Variants in EHF observed in about 807,000 individuals in gnomAD.
EHF encodes the protein ETS homologous factor.
Under a neutral mutation model 45.1 loss-of-function variants are expected in EHF, and 14 were observed. The ratio of observed to expected loss-of-function variants is 0.31; its 90% CI spans 0.21 to 0.49. The LOEUF (loss-of-function observed/expected upper bound fraction) is 0.49. Ranked by LOEUF, EHF falls within the 20% of genes least tolerant of loss-of-function variation. The pLI is 0.99. For missense variants in EHF, 282 were observed against 371.4 expected (o/e 0.76, Z 1.98); for synonymous variants, 136 against 131.8 (o/e 1.03, Z -0.22).
intron 1 of EHF, 100 bp downstream of exon 1, chr11:34,621,328 C>A (rs1316711195): frequency 2.0e-5 from 3 of 152,240 alleles, no homozygotes; most frequent in Non-Finnish European, 2.9e-5. Flanking sequence ...CTAGAACAGA[C>A]TCTTGGAGAC....
At chr11:34,658,351 AGTTTATTCTTAAATACCTTTTTAAT>A (rs1314908728) in intron 7 of EHF, among the ~76,000 whole-genome samples, 157 bp from the exon 8 acceptor site, 1 of 152,078 alleles carries the variant, frequency 6.6e-6, no homozygotes, top group Non-Finnish European at 1.5e-5. Flanking sequence ...ATATTGTGCT[AGTTTATTCTTAAATACCTTTTTAAT>A]GTCCAACATC....
chr11:34,654,641 T>C (rs577562262), intron 6 of EHF, among the ~76,000 whole-genome samples: 1 of 152,154 alleles, frequency 6.6e-6, no homozygotes, highest in African/African-American at 2.4e-5. Flanking sequence ...GTTTATCTAG[T>C]GTAGAGGTTT....
At chr11:34,654,579 G>T (rs1457892328) in intron 6 of EHF, among the ~76,000 whole-genome samples, 1 of 152,062 alleles carries the variant, frequency 6.6e-6, no homozygotes, top group African/African-American at 2.4e-5. Context: ...TCCTAGCTGG[G>T]TGGAGCCTAG....
chr11:34,661,942 G>C lies in EHF; in HGVS notation c.*3011G>C, dbSNP rs1458006882. The stretch of plus-strand genomic sequence containing the variant: ...AATCATCTGAGGCTGATAGATATTT[G>C]ACTTGGTAAGACTTAAGTAAGGCTC... On this transcript the variant is annotated 3_prime_UTR_variant, in exon 9 of 9. Transcript: ENST00000257831. 2.6e-5 allele frequency among the ~76,000 whole-genome samples: 4 copies of C among 152,114 alleles called. No individual in the cohort carries two copies. The highest frequency in any genetic ancestry group is 4.4e-5 in the Non-Finnish European group (3 of 68,002).
At chr11:34,629,442 C>G (rs748683215) in intron 1 of EHF, among the ~76,000 whole-genome samples, 49 of 152,208 alleles carry the variant, frequency 3.2e-4, no homozygotes, top group Non-Finnish European at 6.2e-4. Flanking sequence ...AAAACAAACT[C>G]AGCTTTCCTG....
intron 1 of EHF, among the ~76,000 whole-genome samples, chr11:34,635,468 T>TTTTTTG (rs1853298435): frequency 6.7e-6 from 1 of 148,898 alleles, no homozygotes; most frequent in African/African-American, 2.5e-5. Flanking sequence ...TTTTTTTTTT[T>TTTTTTG]GAGATGGAGT....
intron 1 of EHF, among the ~76,000 whole-genome samples, chr11:34,637,978 T>C (rs1455750800): frequency 6.6e-6 from 1 of 151,792 alleles, no homozygotes; most frequent in East Asian, 1.9e-4. Flanking sequence ...CTCGGCTCGC[T>C]GCAACCTCTG....
At chr11:34,656,015 T>C (rs1368380379) in intron 6 of EHF, among the ~76,000 whole-genome samples, 1 of 151,940 alleles carries the variant, frequency 6.6e-6, no homozygotes, top group East Asian at 1.9e-4. Flanking sequence ...GATTTTTGAG[T>C]GTGAGAGTCT....
At chr11:34,654,601 G>A (rs1468005014) in intron 6 of EHF, among the ~76,000 whole-genome samples, 1 of 152,124 alleles carries the variant, frequency 6.6e-6, no homozygotes, top group Non-Finnish European at 1.5e-5. Context: ...TTGGGTAAAC[G>A]GCTGACAACT....
chr11:34,653,600 C>T (rs747371234), intron 6 of EHF, among the ~76,000 whole-genome samples: 9 of 152,032 alleles, frequency 5.9e-5, no homozygotes, highest in Non-Finnish European at 1.2e-4. Flanking sequence ...GATCAATCAC[C>T]CAGGCCCTAA....
At chr11:34,637,733 C>A (rs1430863602) in intron 1 of EHF, among the ~76,000 whole-genome samples, 2 of 152,142 alleles carry the variant, frequency 1.3e-5, no homozygotes, top group South Asian at 4.1e-4. Context: ...GTGAGTCTTA[C>A]AAACTTCTGC....
chr11:34,631,166 G>C (rs1383301165), intron 1 of EHF, among the ~76,000 whole-genome samples: 1 of 152,090 alleles, frequency 6.6e-6, no homozygotes, highest in Non-Finnish European at 1.5e-5. Context: ...CAAGTAGCTG[G>C]GACTACAGGC....
At chr11:34,657,429 G>T (rs1483173710) in intron 7 of EHF, among the ~76,000 whole-genome samples, 1 of 152,114 alleles carries the variant, frequency 6.6e-6, no homozygotes, top group Admixed American at 6.6e-5. Flanking sequence ...TGGGAGTTGG[G>T]TCTCCTTCAG....
chr11:34,636,978 G>A (rs1426025500), intron 1 of EHF, among the ~76,000 whole-genome samples: 1 of 146,238 alleles, frequency 6.8e-6, no homozygotes, highest in Non-Finnish European at 1.5e-5. Flanking sequence ...GTGGTGAGCC[G>A]AGATTGCGCC....
chr11:34,647,045 A>C (rs1191898204), intron 3 of EHF, among the ~76,000 whole-genome samples: 1 of 143,888 alleles, frequency 6.9e-6, no homozygotes, highest in African/African-American at 2.6e-5. Context: ...TCATGGTTAC[A>C]AAAAAAAAAA....
In EHF at chr11:34,651,527, C is replaced by T. The variant is rs1199653320; in HGVS notation, c.407-15C>T. 1.2e-6 allele frequency: 2 copies of T among 1,609,604 alleles called. No homozygotes were observed. The highest frequency in any genetic ancestry group is 3.3e-5 in the Admixed American group (2 of 60,010). On this transcript the variant is annotated splice_polypyrimidine_tract_variant and intron_variant, in intron 4 of 8. Transcript: ENST00000257831. Reference sequence around the variant, plus strand: ...AAAGAGATCGCTGACTATTCTCCTTCTCTATTTTTTGTAGAGCCTTCCATC... The same window carrying T: ...AAAGAGATCGCTGACTATTCTCCTTTTCTATTTTTTGTAGAGCCTTCCATC...
chr11:34,636,417 A>G (rs1590445183), intron 1 of EHF, among the ~76,000 whole-genome samples: 1 of 152,122 alleles, frequency 6.6e-6, no homozygotes, highest in African/African-American at 2.4e-5. Context: ...TGAGGAGTCT[A>G]CTCCTACCAC....
Position 34,642,684 on chromosome 11 carries a change from T to G in EHF, c.54T>G (p.Leu18=). The G allele has an allele frequency of 6.2e-7, 1 of 1,614,018 alleles. No homozygotes were observed. The highest frequency in any genetic ancestry group is 8.5e-7 in the Non-Finnish European group (1 of 1,179,966). Reference sequence around the variant, plus strand: ...ATCTCAACCCCGGCAACAACCTCCTTCACCAGCCGCCAGCCTGGACAGACA... The same window carrying G: ...ATCTCAACCCCGGCAACAACCTCCTGCACCAGCCGCCAGCCTGGACAGACA... ...VMNLNPGNNL[L]HQPPAWTDSY... Residue 18 remains leucine (L), a synonymous_variant, in exon 2 of 9, where the codon CTT becomes CTG. Coordinates refer to ENST00000257831, the MANE Select transcript of EHF (RefSeq NM_012153.6).
In EHF at chr11:34,662,327, C is replaced by T. The variant is rs1343045680; in HGVS notation, c.*3396C>T. 2.0e-5 allele frequency among the ~76,000 whole-genome samples: 3 copies of T among 152,016 alleles called. No individual in the cohort carries two copies. The highest frequency in any genetic ancestry group is 7.2e-5 in the African/African-American group (3 of 41,398). ...CTACTATGAACATTTTACTGTGAGA[C>T]TCTTTATTTTGCCTTCTACTTGCGC... On this transcript the variant is annotated 3_prime_UTR_variant, in exon 9 of 9. Transcript: ENST00000257831.
Sources: allele counts gnomAD v4.1 joint callset (sites outside exome capture counted in the v4.1 genomes callset), GRCh38; gene constraint gnomAD v4.1.1; transcripts MANE v1.5; gene names NCBI Gene and HGNC (gene_info 2026-07-23, HGNC 2026-07-21).